The following PTK2B variants were observed in gnomAD, a reference collection of about 807,000 sequenced individuals.
PTK2B encodes protein tyrosine kinase 2 beta, also known as protein-tyrosine kinase 2-beta.
PTK2B carries 71 observed loss-of-function variants against 142.9 expected under a neutral mutation model. The ratio of observed to expected loss-of-function variants is 0.50; its 90% confidence interval spans 0.41 to 0.61. The LOEUF (loss-of-function observed/expected upper bound fraction) is 0.61, where lower values mean the gene tolerates loss of function less well. Among genes scored for constraint, PTK2B ranks in the 20% least tolerant of loss-of-function variants. The probability of loss-of-function intolerance (pLI) is 0.00; values close to 1 mark genes in which losing one functional copy is unlikely to be tolerated. For synonymous variants in PTK2B, 519 were observed against 503.4 expected (o/e 1.03, Z -0.42); for missense variants, 1,105 against 1,320.4 (o/e 0.84, Z 2.53).
chr8:27,331,070 G>C (rs1000910892), intron 1 of PTK2B, among the ~76,000 whole-genome samples: 5 of 152,156 alleles, frequency 3.3e-5, no homozygotes, highest in Non-Finnish European at 7.3e-5. Context: ...CACCCACACA[G>C]AATCTGGTAA....
chr8:27,364,238 T>C (rs930938717), intron 1 of PTK2B, among the ~76,000 whole-genome samples: 4 of 152,220 alleles, frequency 2.6e-5, no homozygotes, highest in Non-Finnish European at 5.9e-5. Flanking sequence ...TTCCATGCGA[T>C]GCACCTCAGG....
At chr8:27,384,841 G>A (rs953154995) in intron 1 of PTK2B, among the ~76,000 whole-genome samples, 6 of 152,130 alleles carry the variant, frequency 3.9e-5, no homozygotes, top group Non-Finnish European at 8.8e-5. Context: ...AGAACCCAGG[G>A]ACCAAGCGCT....
At position 27,454,616 on chromosome 8, in the gene PTK2B, G is replaced by A; in HGVS notation, c.2814+5G>A. ...CCGTCATCTTCACGGACAGAGGTGA[G>A]CGTCCCATTCCAGACAGCACCATAG... On this transcript the variant is annotated splice_donor_5th_base_variant and intron_variant, in intron 30 of 30. Coordinates refer to ENST00000346049, the MANE Select transcript of PTK2B (RefSeq NM_173176.3). The A allele has an allele frequency of 1.2e-6, 2 of 1,613,608 alleles. No homozygotes were observed. Among genetic ancestry groups the A allele is most frequent in the Non-Finnish European group, 1.7e-6 (2 of 1,179,572 alleles).
intron 1 of PTK2B, among the ~76,000 whole-genome samples, chr8:27,331,104 G>T (rs1186861975): frequency 3.9e-5 from 6 of 152,194 alleles, no homozygotes; most frequent in Admixed American, 3.3e-4. Context: ...AGACAGGAGG[G>T]CTCAAAGAAT....
chr8:27,412,006 A>G (rs555178018), intron 2 of PTK2B, among the ~76,000 whole-genome samples: 12 of 152,356 alleles, frequency 7.9e-5, no homozygotes, highest in African/African-American at 2.9e-4. Context: ...ATGAAGAAAC[A>G]TAGAGGACAG....
intron 24 of PTK2B, among the ~76,000 whole-genome samples, chr8:27,447,121 G>T (rs1221019609): frequency 6.6e-6 from 1 of 152,182 alleles, no homozygotes; most frequent in Non-Finnish European, 1.5e-5. Flanking sequence ...CATTTGAGGG[G>T]TAGCATTGCC....
intron 1 of PTK2B, among the ~76,000 whole-genome samples, chr8:27,389,270 AAAG>A (rs1317091964): frequency 3.3e-5 from 5 of 152,048 alleles, no homozygotes; most frequent in Non-Finnish European, 7.4e-5. Context: ...GGAAGGAAGG[AAAG>A]AAGAAAGGAG....
chr8:27,456,051 G>A (rs1812121257), intron 30 of PTK2B, among the ~76,000 whole-genome samples: 1 of 152,238 alleles, frequency 6.6e-6, no homozygotes, highest in Non-Finnish European at 1.5e-5. Flanking sequence ...AGCCCTAGGT[G>A]GGGCTGTGGG....
chr8:27,432,296 A>G lies in PTK2B; in HGVS notation c.922A>G (p.Ile308Val). Residue 308 changes from isoleucine (I) to valine (V), a missense_variant, in exon 10 of 31, where the codon ATC (isoleucine) becomes GTC (valine). Ile to Val is a conservative substitution (Grantham distance 29, BLOSUM62 3). Coordinates refer to ENST00000346049, the MANE Select transcript of PTK2B (RefSeq NM_173176.3). Reference protein sequence around the residue: ...CLAEFKQIRSIRCLPLEEGQA... With the variant: ...CLAEFKQIRSVRCLPLEEGQA... ...GGCCGAGTTCAAGCAGATCAGGTCCATCAGGTGCCTCCCGCTGGAGGAGGG... is the reference window on the plus strand; with the variant it reads ...GGCCGAGTTCAAGCAGATCAGGTCCGTCAGGTGCCTCCCGCTGGAGGAGGG... The G allele has an allele frequency of 1.2e-6, 2 of 1,614,110 alleles. No homozygotes were observed. The highest frequency in any genetic ancestry group is 1.7e-6 in the Non-Finnish European group (2 of 1,180,024).
chr8:27,326,067 C>T (rs895220111), intron 1 of PTK2B, among the ~76,000 whole-genome samples: 1 of 152,126 alleles, frequency 6.6e-6, no homozygotes, highest in African/African-American at 2.4e-5. Flanking sequence ...GCTCCCCGCT[C>T]CCTCCCGGGC....
At chr8:27,311,984 A>G (rs1294107096) in intron 1 of PTK2B, among the ~76,000 whole-genome samples, 1 of 152,180 alleles carries the variant, frequency 6.6e-6, no homozygotes, top group Non-Finnish European at 1.5e-5. Flanking sequence ...AGTGAAATAA[A>G]TGTGGAAAGT....
chr8:27,434,771 G>GT (rs1349431804), intron 13 of PTK2B, among the ~76,000 whole-genome samples: 1 of 152,162 alleles, frequency 6.6e-6, no homozygotes, highest in Non-Finnish European at 1.5e-5. Context: ...GGAGGCCAAA[G>GT]TGGATGGATC....
At chr8:27,450,964 T>C (rs565488703) in intron 25 of PTK2B, 69 bp downstream of exon 25, 1 of 1,611,358 alleles carries the variant, frequency 6.2e-7, no homozygotes, top group African/African-American at 1.3e-5. Flanking sequence ...CCCAGGTGGC[T>C]GGGGCAAGGG....
At chr8:27,395,159 A>T (rs1352826982) in intron 1 of PTK2B, among the ~76,000 whole-genome samples, 1 of 152,212 alleles carries the variant, frequency 6.6e-6, no homozygotes, top group African/African-American at 2.4e-5. Flanking sequence ...AATCTTTATT[A>T]TCATTATCAA....
intron 1 of PTK2B, chr8:27,395,910 T>C (rs1224993933): frequency 6.6e-6 from 1 of 152,208 alleles, no homozygotes; most frequent in Admixed American, 6.5e-5. Context: ...TAGCAGAGTA[T>C]TGACACACAG....
At chr8:27,457,975 C>CAA (rs11317355) in intron 30 of PTK2B, among the ~76,000 whole-genome samples, 21 of 93,948 alleles carry the variant, frequency 2.2e-4, no homozygotes, top group East Asian at 6.3e-4. Flanking sequence ...AACTCAGTCT[C>CAA]AAAAAAAAAA....
chr8:27,433,589 G>A, intron 11 of PTK2B, 37 bp downstream of exon 11: 2 of 1,558,032 alleles, frequency 1.3e-6, no homozygotes, highest in African/African-American at 1.4e-5. Flanking sequence ...CTGGACCACG[G>A]GTGGCAGCAC....
At chr8:27,371,835 A>C (rs1165463493) in intron 1 of PTK2B, among the ~76,000 whole-genome samples, 2 of 152,224 alleles carry the variant, frequency 1.3e-5, no homozygotes, top group Non-Finnish European at 2.9e-5. Flanking sequence ...GGCATTAGCC[A>C]CCATGCCTGG....
At chr8:27,450,123 A>G (rs887044457) in intron 24 of PTK2B, among the ~76,000 whole-genome samples, 1 of 152,228 alleles carries the variant, frequency 6.6e-6, no homozygotes, top group Non-Finnish European at 1.5e-5. Context: ...TTAATAAAGA[A>G]TGTGTCTTAA....
Sources: gnomAD v4.1 joint callset for allele counts (sites outside exome capture counted in the v4.1 genomes callset) on GRCh38, gnomAD v4.1.1 for gene constraint, MANE v1.5 for transcripts, NCBI Gene and HGNC (gene_info 2026-07-23, HGNC 2026-07-21) for gene names.